The following DMXL1 variants were observed in gnomAD, a reference collection of about 807,000 sequenced individuals.
The protein encoded by DMXL1 is dmX-like protein 1.
In DMXL1, 99 loss-of-function variants were observed where a neutral mutation model predicts 319.2. The ratio of observed to expected loss-of-function variants is 0.31; its 90% CI spans 0.26 to 0.37. The LOEUF is 0.37. Among genes scored for constraint, DMXL1 ranks in the 10% least tolerant of loss-of-function variants. The pLI is 1.00. For missense variants in DMXL1, 3,745 were observed against 3,595.6 expected (o/e 1.04, Z -1.06); for synonymous variants, 1,385 against 1,235.2 (o/e 1.12, Z -2.54).
In DMXL1 at chr5:119,142,920, T is replaced by C. The variant is rs141662851; in HGVS notation, c.2377-921T>C. Among the ~76,000 whole-genome samples the C allele has an allele frequency of 3.9e-3, 593 of 152,106 alleles. 9 individuals carry two copies. The highest frequency in any genetic ancestry group is 0.026 in the South Asian group (127 of 4,826). ...GTGGAGCTGGCATTCATAAAGCAAC[T>C]TCTTTATGGAGGCCATTCTTTAAGG... On this transcript the variant is annotated intron_variant, in intron 13 of 43. Coordinates refer to ENST00000539542, the MANE Select transcript of DMXL1 (RefSeq NM_001290321.3).
At chr5:119,098,951 T>C (rs894775865) in intron 2 of DMXL1, among the ~76,000 whole-genome samples, 3 of 152,204 alleles carry the variant, frequency 2.0e-5, no homozygotes, top group Non-Finnish European at 2.9e-5. Flanking sequence ...AGGTAAACTT[T>C]CTAGGATTAA....
chr5:119,139,471 C>T (rs185381618), intron 13 of DMXL1, among the ~76,000 whole-genome samples: 1 of 152,228 alleles, frequency 6.6e-6, no homozygotes, highest in African/African-American at 2.4e-5. Flanking sequence ...GCCGGGTTGC[C>T]ATCCTGATTT....
intron 28 of DMXL1, among the ~76,000 whole-genome samples, chr5:119,183,222 G>C (rs1030719324): frequency 1.3e-5 from 2 of 152,138 alleles, no homozygotes; most frequent in African/African-American, 4.8e-5. Context: ...TATAAAACTT[G>C]TGTAAAAACA....
At chr5:119,142,401 CAT>C (rs999966939) in intron 13 of DMXL1, among the ~76,000 whole-genome samples, 3 of 151,140 alleles carry the variant, frequency 2.0e-5, no homozygotes, top group Non-Finnish European at 4.4e-5. Flanking sequence ...CAAAAGAAGA[CAT>C]ACGTGTGGCA....
chr5:119,150,999 C>A (rs1163338804), intron 18 of DMXL1, among the ~76,000 whole-genome samples: 1 of 151,994 alleles, frequency 6.6e-6, no homozygotes, highest in African/African-American at 2.4e-5. Flanking sequence ...TATAAAAGAT[C>A]CAACTGAATC....
Position 119,247,334 on chromosome 5 carries a change from T to G in DMXL1, c.*115T>G. 1 of 765,156 alleles carries G rather than the reference T, an allele frequency of 1.3e-6. No homozygotes were observed. The highest frequency in any genetic ancestry group is 2.0e-6 in the Non-Finnish European group (1 of 487,964). The allele number at this position is 765,156 out of a possible 1,614,324, so 47.4% of individuals were successfully genotyped here. On this transcript the variant is annotated 3_prime_UTR_variant, in exon 44 of 44. Transcript: ENST00000539542. ...AGCTAATGCTTTCTTGTTTTTATAT[T>G]TATTTTATGGAGCTTTGCCCTTGAT...
intron 19 of DMXL1, among the ~76,000 whole-genome samples, chr5:119,161,985 G>A (rs1772375856): frequency 6.6e-6 from 1 of 152,218 alleles, no homozygotes. Flanking sequence ...AGATGATCTA[G>A]CTGTGACATT....
At chr5:119,110,813 G>C (rs941795065) in intron 5 of DMXL1, among the ~76,000 whole-genome samples, 2 of 152,184 alleles carry the variant, frequency 1.3e-5, no homozygotes, top group African/African-American at 4.8e-5. Context: ...TGTAGGAACA[G>C]ACAGATTAGG....
intron 34 of DMXL1, among the ~76,000 whole-genome samples, chr5:119,209,571 C>G (rs971151620): frequency 3.3e-5 from 5 of 152,120 alleles, no homozygotes; most frequent in Non-Finnish European, 7.4e-5. Flanking sequence ...TGGTCTCAAA[C>G]TTCTGGGCTC....
intron 30 of DMXL1, 33 bp downstream of exon 30, chr5:119,194,003 A>AAGAAATT (rs1238265455): frequency 7.1e-7 from 1 of 1,400,358 alleles, no homozygotes; most frequent in Non-Finnish European, 9.6e-7. Context: ...TTTCTTTTTA[A>AAGAAATT]AAATAATGGT....
intron 38 of DMXL1, among the ~76,000 whole-genome samples, chr5:119,229,739 G>A (rs1052008139): frequency 1.3e-5 from 2 of 152,086 alleles, no homozygotes; most frequent in Admixed American, 1.3e-4. Context: ...ATTCTTAACT[G>A]TTAGTAATGT....
intron 19 of DMXL1, among the ~76,000 whole-genome samples, chr5:119,153,664 A>G (rs78411387): frequency 6.6e-6 from 1 of 152,224 alleles, no homozygotes; most frequent in Non-Finnish European, 1.5e-5. Context: ...AAGTGAGATC[A>G]TGCAATATTT....
In DMXL1 at chr5:119,151,947, A is replaced by T. The variant is rs1483899940; in HGVS notation, c.4613A>T (p.Glu1538Val). ...ATTGCAGGTGGAGAAACTCTTGATGAATGTGGGTTAAAATTTCTTTTGGCT... is the reference window on the plus strand; with the variant it reads ...ATTGCAGGTGGAGAAACTCTTGATGTATGTGGGTTAAAATTTCTTTTGGCT... ...DRSQGGETLD[E>V]CGLKFLLAVR... The change falls in exon 19 of 44, where the codon GAA (glutamate) becomes GTA (valine). Residue 1538 changes from glutamate to valine, a missense_variant. Around this residue, in one of 4 missense-constraint regions of DMXL1, gnomAD observed 2,096 missense variants for 1,985.4 expected, o/e 1.06. Transcript: ENST00000539542. 6.2e-7 allele frequency: 1 copy of T among 1,612,578 alleles called. No homozygotes were observed. The highest frequency in any genetic ancestry group is 1.1e-5 in the South Asian group (1 of 90,992).
intron 2 of DMXL1, among the ~76,000 whole-genome samples, chr5:119,099,893 C>T (rs956775526): frequency 5.3e-5 from 8 of 151,976 alleles, no homozygotes; most frequent in Non-Finnish European, 8.8e-5. Flanking sequence ...CCTAGCTACC[C>T]GGGAAGCTGA....
chr5:119,242,581 G>T (rs1789028781), intron 42 of DMXL1, among the ~76,000 whole-genome samples: 1 of 152,150 alleles, frequency 6.6e-6, no homozygotes. Flanking sequence ...CAAAATTCCA[G>T]CATGCTACTT....
Position 119,205,265 on chromosome 5 carries a change from C to A in DMXL1, c.7864-1569C>A, listed in dbSNP as rs566778928. ...TAGTTCTGAAAACAATACAAAAAAACTATTGAGCCATTAGATTGTCTAGTT... is the reference window on the plus strand; with the variant it reads ...TAGTTCTGAAAACAATACAAAAAAAATATTGAGCCATTAGATTGTCTAGTT... On this transcript the variant is annotated intron_variant, in intron 33 of 43. Coordinates refer to ENST00000539542, the MANE Select transcript of DMXL1 (RefSeq NM_001290321.3). Among the ~76,000 whole-genome samples the A allele has an allele frequency of 3.3e-5, 5 of 152,064 alleles. No homozygotes were observed. In the East Asian group the frequency reaches 9.6e-4, roughly 29 times the overall value.
Position 119,193,809 on chromosome 5 carries a change from C to G in DMXL1, c.7315-19C>G, listed in dbSNP as rs775101321. ...AATTAGATATGTGGCTGCTAAATTT[C>G]ATGATTTCTTTATTTTAGCCTTTTC... is the stretch of plus-strand genomic sequence containing the variant. On this transcript the variant is annotated intron_variant, in intron 29 of 43. Coordinates refer to ENST00000539542, the MANE Select transcript of DMXL1 (RefSeq NM_001290321.3). The G allele has an allele frequency of 6.2e-7, 1 of 1,607,658 alleles. No individual in the cohort carries two copies. Among genetic ancestry groups the G allele is most frequent in the South Asian group, 1.1e-5 (1 of 90,234 alleles).
intron 39 of DMXL1, among the ~76,000 whole-genome samples, chr5:119,235,524 G>GA (rs919492277): frequency 6.6e-6 from 1 of 151,732 alleles, no homozygotes; most frequent in Non-Finnish European, 1.5e-5. Flanking sequence ...TATTTCAGAA[G>GA]AAAAAAATGG....
At position 119,170,620 on chromosome 5, in the gene DMXL1, A is replaced by G. The variant is rs146673073; in HGVS notation, c.5829A>G (p.Gln1943=). The stretch of plus-strand genomic sequence containing the variant: ...CTTCAGAGGGTTCCTCAGAGAAGCA[A>G]TCAAACTCCACTCTTTCTTTTGACT... The part of the protein sequence containing the change: ...GSSSEGSSEK[Q]SNSTLSFDWS... The change falls in exon 24 of 44, where the codon CAA becomes CAG. Residue 1943 remains glutamine, a synonymous_variant. Transcript: ENST00000539542. 1.1e-4 allele frequency: 177 copies of G among 1,613,670 alleles called. No homozygotes were observed. Among genetic ancestry groups the G allele is most frequent in the East Asian group, 4.5e-4 (20 of 44,864 alleles).
Sources: gnomAD v4.1 joint callset for allele counts (sites outside exome capture counted in the v4.1 genomes callset) on GRCh38, gnomAD v4.1.1 for gene constraint, gnomAD v4.1.1 regional missense constraint, MANE v1.5 for transcripts, NCBI Gene and HGNC (gene_info 2026-07-23, HGNC 2026-07-21) for gene names.